Variants in GRIN2A observed in about 807,000 individuals in gnomAD.
The protein encoded by GRIN2A is glutamate receptor ionotropic, NMDA 2A.
GRIN2A carries 22 observed loss-of-function variants against 113.4 expected under a neutral mutation model. The observed-to-expected ratio is 0.19, with a 90% CI of 0.14 to 0.28. The LOEUF (loss-of-function observed/expected upper bound fraction) is 0.28. GRIN2A is among the 10% of genes least tolerant of loss of function. The pLI, the probability that GRIN2A is intolerant of heterozygous loss-of-function variation, is 1.00. For synonymous variants in GRIN2A, 827 were observed against 738.4 expected, an observed-to-expected ratio of 1.12 and a Z score of -1.94; for missense variants, 1,502 against 1,887.0, an observed-to-expected ratio of 0.80 and a Z score of 3.78.
intron 2 of GRIN2A, chr16:10,111,750 C>T: frequency 7.3e-6 from 11 of 1,514,606 alleles, no homozygotes; most frequent in South Asian, 5.6e-5. Context: ...TGCTGAGCCC[C>T]TCACACACTG....
At chr16:9,777,171 TTC>T (rs1349244105) in intron 11 of GRIN2A, among the ~76,000 whole-genome samples, 1 of 152,160 alleles carries the variant, frequency 6.6e-6, no homozygotes, top group Non-Finnish European at 1.5e-5. Context: ...ACTCATTCCT[TTC>T]TCTCTTCCCT....
intron 2 of GRIN2A, among the ~76,000 whole-genome samples, chr16:9,949,038 A>G (rs2045099435): frequency 6.6e-6 from 1 of 152,178 alleles, no homozygotes; most frequent in South Asian, 2.1e-4. Context: ...ACTGAAAGGT[A>G]GGGGACTAAT....
chr16:9,896,783 C>A (rs139371308), intron 3 of GRIN2A, among the ~76,000 whole-genome samples: 68 of 152,260 alleles, frequency 4.5e-4, no homozygotes, highest in African/African-American at 1.5e-3. Flanking sequence ...CACCCAATTT[C>A]TAGGAAGGAC....
chr16:9,885,730 G>A (rs1415220591), intron 4 of GRIN2A, among the ~76,000 whole-genome samples: 1 of 151,268 alleles, frequency 6.6e-6, no homozygotes, highest in Non-Finnish European at 1.5e-5. Flanking sequence ...TGCTGGGGGG[G>A]CAGCTTTAAG....
chr16:10,070,538 G>A (rs982855149), intron 2 of GRIN2A, among the ~76,000 whole-genome samples: 5 of 152,134 alleles, frequency 3.3e-5, no homozygotes, highest in African/African-American at 4.8e-5. Context: ...TGCTACCAGC[G>A]TGGCCTGGGA....
rs544940358 is a variant in GRIN2A at position 9,907,262 on chromosome 16, A to G, written c.1008-16162T>C. Among the ~76,000 whole-genome samples, 9 of 152,358 alleles carry G rather than the reference A, an allele frequency of 5.9e-5. No homozygotes were observed. The South Asian group carries it at 1.4e-3, about 25-fold the overall frequency. ...CTAAGAGTGAGATCGTTGTATGGAT[A>G]AACAATGAAATACAATATGGGAATA... On this transcript the variant is annotated intron_variant, in intron 3 of 12. Transcript: ENST00000330684.
chr16:9,927,191 A>T (rs2044484880), intron 3 of GRIN2A, among the ~76,000 whole-genome samples: 1 of 152,204 alleles, frequency 6.6e-6, no homozygotes, highest in Admixed American at 6.5e-5. Context: ...TTGAGACTTC[A>T]TGCCTCCTGT....
At chr16:10,106,873 A>C (rs2048510600) in intron 2 of GRIN2A, among the ~76,000 whole-genome samples, 2 of 152,196 alleles carry the variant, frequency 1.3e-5, no homozygotes, top group African/African-American at 4.8e-5. Flanking sequence ...AATAAGCAGC[A>C]AGCCTGGGTG....
At chr16:9,878,201 T>A (rs1326867540) in intron 4 of GRIN2A, among the ~76,000 whole-genome samples, 1 of 152,150 alleles carries the variant, frequency 6.6e-6, no homozygotes, top group Non-Finnish European at 1.5e-5. Flanking sequence ...GCGACTGGGA[T>A]GGAGAAGAAT....
chr16:10,098,142 T>C (rs1239408124), intron 2 of GRIN2A, among the ~76,000 whole-genome samples: 1 of 151,664 alleles, frequency 6.6e-6, no homozygotes, highest in East Asian at 1.9e-4. Flanking sequence ...AAAAGTGGGC[T>C]AAGGGCATGA....
chr16:10,096,508 T>C (rs1281574448), intron 2 of GRIN2A, among the ~76,000 whole-genome samples: 1 of 150,918 alleles, frequency 6.6e-6, no homozygotes, highest in East Asian at 1.9e-4. Context: ...AATAGTGTTC[T>C]TCTTTTTCAA....
intron 2 of GRIN2A, among the ~76,000 whole-genome samples, chr16:10,134,173 T>C (rs1395692214): frequency 1.4e-5 from 2 of 139,314 alleles, no homozygotes; most frequent in African/African-American, 5.4e-5. Flanking sequence ...AGTCTGGCCT[T>C]CAGGGTGAGA....
Position 9,840,982 on chromosome 16 carries a change from T to C in GRIN2A, c.1451A>G (p.Lys484Arg), listed in dbSNP as rs2141345034. 6.2e-7 allele frequency: 1 copy of C among 1,613,970 alleles called. No individual in the cohort carries two copies. The highest frequency in any genetic ancestry group is 8.5e-7 in the Non-Finnish European group (1 of 1,179,840). The stretch of plus-strand genomic sequence containing the variant: ...CACATTGTTAACTTTCTTGCCATGC[T>C]TCCCATTGGTCACCAGATAGAGGTC... ...TYDLYLVTNG[K>R]HGKKVNNVWN... Residue 484 changes from lysine to arginine, a missense_variant, in exon 6 of 13, where the codon AAG (lysine) becomes AGG (arginine). By Grantham distance (26) the Lys-to-Arg change is conservative. Coordinates refer to ENST00000330684, the MANE Select transcript of GRIN2A (RefSeq NM_001134407.3).
At chr16:10,057,829 T>G (rs1184602489) in intron 2 of GRIN2A, among the ~76,000 whole-genome samples, 1 of 152,166 alleles carries the variant, frequency 6.6e-6, no homozygotes, top group Non-Finnish European at 1.5e-5. Context: ...TTTAGCGTGG[T>G]CCTCAATAAA....
chr16:9,792,879 C>G (rs1902702557), intron 11 of GRIN2A, among the ~76,000 whole-genome samples: 1 of 152,182 alleles, frequency 6.6e-6, no homozygotes, highest in African/African-American at 2.4e-5. Context: ...AGGAAATGAT[C>G]AGAATTGGAC....
At chr16:9,951,461 T>G (rs2045177138) in intron 2 of GRIN2A, among the ~76,000 whole-genome samples, 1 of 152,236 alleles carries the variant, frequency 6.6e-6, no homozygotes, top group Non-Finnish European at 1.5e-5. Context: ...TGTTTGTGTA[T>G]GTGCGCACAG....
chr16:9,845,603 C>T (rs2042758152), intron 5 of GRIN2A, among the ~76,000 whole-genome samples: 1 of 152,212 alleles, frequency 6.6e-6, no homozygotes, highest in African/African-American at 2.4e-5. Context: ...ACTCATCACT[C>T]TCTAGCACTG....
chr16:10,168,230 T>C (rs1399055525), intron 2 of GRIN2A, among the ~76,000 whole-genome samples: 1 of 152,236 alleles, frequency 6.6e-6, no homozygotes, highest in East Asian at 1.9e-4. Context: ...AGTTGATATA[T>C]ACATAGGTTG....
At chr16:9,921,809 C>G (rs193001451) in intron 3 of GRIN2A, among the ~76,000 whole-genome samples, 5 of 152,164 alleles carry the variant, frequency 3.3e-5, no homozygotes, top group Non-Finnish European at 5.9e-5. Context: ...GGAAGCAATG[C>G]ACCTAGGTGT....
Sources: gnomAD v4.1 joint callset for allele counts (sites outside exome capture counted in the v4.1 genomes callset) on GRCh38, gnomAD v4.1.1 for gene constraint, MANE v1.5 for transcripts, NCBI Gene and HGNC (gene_info 2026-07-23, HGNC 2026-07-21) for gene names.